Variants in TRPC4 observed in about 807,000 individuals in gnomAD.
The protein encoded by TRPC4 is short transient receptor potential channel 4.
TRPC4 carries 49 observed loss-of-function variants against 99.4 expected under a neutral mutation model. The observed-to-expected ratio is 0.49, with a 90% confidence interval of 0.39 to 0.63. TRPC4 has a LOEUF of 0.63. Ranked by LOEUF, TRPC4 falls within the 20% of genes least tolerant of loss-of-function variation. The probability of loss-of-function intolerance (pLI) is 0.00; values close to 1 mark genes in which losing one functional copy is unlikely to be tolerated. For synonymous variants in TRPC4, 454 were observed against 425.9 expected, an observed-to-expected ratio of 1.07 and a Z score of -0.81; for missense variants, 898 against 1,152.9, an observed-to-expected ratio of 0.78 and a Z score of 3.20.
chr13:37,681,612 AC>A (rs1430339714), intron 4 of TRPC4, among the ~76,000 whole-genome samples: 2 of 152,218 alleles, frequency 1.3e-5, no homozygotes, highest in Non-Finnish European at 2.9e-5. Flanking sequence ...TTTTGAAGAA[AC>A]AAGCCTTTAG....
chr13:37,769,885 T>G (rs1330002718), intron 2 of TRPC4, among the ~76,000 whole-genome samples: 1 of 151,536 alleles, frequency 6.6e-6, no homozygotes, highest in Non-Finnish European at 1.5e-5. Flanking sequence ...TTAAACCAGA[T>G]CTAAATATAC....
intron 5 of TRPC4, among the ~76,000 whole-genome samples, chr13:37,671,661 A>G (rs1254594023): frequency 1.3e-5 from 2 of 152,136 alleles, no homozygotes; most frequent in African/African-American, 4.8e-5. Context: ...TCTCATGCCA[A>G]CAGCATAAGG....
At chr13:37,797,240 T>C (rs1163344780) in intron 1 of TRPC4, among the ~76,000 whole-genome samples, 1 of 152,058 alleles carries the variant, frequency 6.6e-6, no homozygotes, top group Non-Finnish European at 1.5e-5. Flanking sequence ...GTTAGAGGTA[T>C]CTAATCTGTT....
At chr13:37,798,299 A>G (rs763578234) in intron 1 of TRPC4, among the ~76,000 whole-genome samples, 12 of 152,084 alleles carry the variant, frequency 7.9e-5, no homozygotes, top group Non-Finnish European at 1.2e-4. Flanking sequence ...GAGCTCGGCT[A>G]TTTCTCTGCT....
chr13:37,653,019 C>G (rs1375937414), intron 7 of TRPC4, among the ~76,000 whole-genome samples: 2 of 152,082 alleles, frequency 1.3e-5, no homozygotes, highest in Non-Finnish European at 2.9e-5. Context: ...CTTAAGAATC[C>G]TCTCTCCTTA....
At chr13:37,662,897 G>A (rs1442193642) in intron 6 of TRPC4, among the ~76,000 whole-genome samples, 1 of 152,182 alleles carries the variant, frequency 6.6e-6, no homozygotes, top group African/African-American at 2.4e-5. Flanking sequence ...AGAGTTTTGT[G>A]TGCATGACAG....
At chr13:37,822,858 A>G (rs1284624506) in intron 1 of TRPC4, among the ~76,000 whole-genome samples, 2 of 151,638 alleles carry the variant, frequency 1.3e-5, no homozygotes, top group Non-Finnish European at 2.9e-5. Flanking sequence ...TGACTTCCAC[A>G]ATTGTTGAAC....
chr13:37,753,524 C>A (rs1164738794), intron 2 of TRPC4, among the ~76,000 whole-genome samples: 2 of 145,734 alleles, frequency 1.4e-5, no homozygotes, highest in Non-Finnish European at 3.0e-5. Flanking sequence ...ATGATTGCAC[C>A]CTGCCAGACA....
At chr13:37,721,472 T>A (rs1034835793) in intron 3 of TRPC4, among the ~76,000 whole-genome samples, 1 of 152,140 alleles carries the variant, frequency 6.6e-6, no homozygotes, top group Admixed American at 6.6e-5. Context: ...CCATTTTTAG[T>A]AGAATATTGC....
At chr13:37,775,710 G>T (rs1049863654) in intron 2 of TRPC4, among the ~76,000 whole-genome samples, 5 of 151,500 alleles carry the variant, frequency 3.3e-5, no homozygotes, top group African/African-American at 1.2e-4. Flanking sequence ...GAGAAGAAGA[G>T]CCTCATCCTG....
intron 3 of TRPC4, among the ~76,000 whole-genome samples, chr13:37,745,458 A>ACGCATATATATATATATATATGCG (rs1955721074): frequency 1.5e-4 from 1 of 6,584 alleles, no homozygotes; most frequent in Non-Finnish European, 4.3e-4. Flanking sequence ...ATATATATAT[A>ACGCATATATATATATATATATGCG]TATATATATA....
rs34818320 is a variant in TRPC4 at position 37,856,390 on chromosome 13, T to TAA, written c.-28+13203_-28+13204dup. Among the ~76,000 whole-genome samples, 864 of 110,028 alleles carry TAA rather than the reference T, an allele frequency of 7.9e-3. 7 individuals carry two copies. The highest frequency in any genetic ancestry group is 0.024 in the African/African-American group (712 of 29,746). 72.2% of individuals were successfully genotyped at this position (110,028 alleles called of 152,430 possible). A position where few individuals can be genotyped will look rare whatever the true frequency, so the allele number is the denominator to read the frequency against. ...AAGCTGTAATAATAAAGTCTCCTAG[T>TAA]AAAAAAAAAAAAAAAAAGCCCAGGA... On this transcript the variant is annotated intron_variant, in intron 1 of 10. Coordinates refer to ENST00000379705, the MANE Select transcript of TRPC4 (RefSeq NM_016179.4).
intron 3 of TRPC4, among the ~76,000 whole-genome samples, chr13:37,700,112 T>C (rs1383792145): frequency 6.6e-6 from 1 of 152,170 alleles, no homozygotes; most frequent in East Asian, 1.9e-4. Context: ...TATTCACCAA[T>C]ACCCTTCTCA....
chr13:37,772,624 G>A (rs543865383), intron 2 of TRPC4, among the ~76,000 whole-genome samples: 41 of 151,812 alleles, frequency 2.7e-4, no homozygotes, highest in Non-Finnish European at 3.8e-4. Flanking sequence ...ATGAGGAGGC[G>A]TATAGGATAT....
At chr13:37,707,474 G>A (rs1244837361) in intron 3 of TRPC4, among the ~76,000 whole-genome samples, 1 of 152,072 alleles carries the variant, frequency 6.6e-6, no homozygotes, top group East Asian at 1.9e-4. Context: ...ATCTTTAAAT[G>A]TCACAGTCAC....
intron 4 of TRPC4, among the ~76,000 whole-genome samples, chr13:37,685,814 G>A (rs561601219): frequency 6.6e-6 from 1 of 152,096 alleles, no homozygotes; most frequent in East Asian, 1.9e-4. Flanking sequence ...CATGTGTTCA[G>A]CATTAATAGG....
chr13:37,844,177 C>G (rs1009521754), intron 1 of TRPC4, among the ~76,000 whole-genome samples: 6 of 152,146 alleles, frequency 3.9e-5, no homozygotes, highest in African/African-American at 1.4e-4. Flanking sequence ...TAATAGTGAC[C>G]AGCTTGCAGA....
chr13:37,788,210 T>G (rs897476583), intron 1 of TRPC4, among the ~76,000 whole-genome samples: 5 of 152,122 alleles, frequency 3.3e-5, no homozygotes, highest in Non-Finnish European at 5.9e-5. Context: ...TTCTCTAATA[T>G]TTCATACCAA....
At chr13:37,736,525 A>C (rs1319197558) in intron 3 of TRPC4, among the ~76,000 whole-genome samples, 1 of 152,120 alleles carries the variant, frequency 6.6e-6, no homozygotes, top group East Asian at 1.9e-4. Context: ...CCAACGCCTA[A>C]AATATATTTT....
Sources: gnomAD v4.1 joint callset for allele counts (sites outside exome capture counted in the v4.1 genomes callset) on GRCh38, gnomAD v4.1.1 for gene constraint, MANE v1.5 for transcripts, NCBI Gene and HGNC (gene_info 2026-07-23, HGNC 2026-07-21) for gene names.